HMCN1: variants seen among roughly 807,000 people sequenced by gnomAD.
The protein encoded by HMCN1 is hemicentin 1.
Under a neutral mutation model 625.9 loss-of-function variants are expected in HMCN1, and 321 were observed. That is an observed-to-expected ratio of 0.51 (90% confidence interval 0.47 to 0.56). HMCN1 has a LOEUF of 0.56. Ranked by LOEUF, HMCN1 falls within the 20% of genes least tolerant of loss-of-function variation. The pLI is 0.00. For synonymous variants in HMCN1, 2,425 were observed against 2,417.6 expected (o/e 1.00, Z -0.09); for missense variants, 6,588 against 6,887.3 (o/e 0.96, Z 1.54).
chr1:185,906,349 A>G (rs1666094511), intron 4 of HMCN1, among the ~76,000 whole-genome samples: 1 of 151,860 alleles, frequency 6.6e-6, no homozygotes, highest in South Asian at 2.1e-4. Flanking sequence ...CCAACAAGTA[A>G]TATTATGATA....
At chr1:185,950,912 C>T (rs1282116075) in intron 11 of HMCN1, among the ~76,000 whole-genome samples, 4 of 145,712 alleles carry the variant, frequency 2.7e-5, no homozygotes, top group African/African-American at 1.0e-4. Context: ...ACTTGTAAGG[C>T]TTGTCTGGTT....
At chr1:185,775,439 G>A (rs918865808) in intron 1 of HMCN1, among the ~76,000 whole-genome samples, 1 of 152,104 alleles carries the variant, frequency 6.6e-6, no homozygotes, top group Admixed American at 6.6e-5. Flanking sequence ...TGGAATGAGT[G>A]AGTCTCTTCA....
At chr1:186,084,208 C>G (rs900228722) in intron 57 of HMCN1, among the ~76,000 whole-genome samples, 3 of 152,122 alleles carry the variant, frequency 2.0e-5, no homozygotes, top group Admixed American at 1.3e-4. Flanking sequence ...ATGGCCATAT[C>G]TTACTTATCT....
chr1:186,186,994 TCACACACACACACACACACA>T (rs371455899), intron 105 of HMCN1, among the ~76,000 whole-genome samples: 14 of 134,592 alleles, frequency 1.0e-4, no homozygotes, highest in South Asian at 7.4e-4. Context: ...TGTCTCTGTC[TCACACACACACACACACACA>T]CACACACACA....
Position 185,877,317 on chromosome 1 carries a change from CTTTCTTTTTTTTTTTTTTT to C in HMCN1, c.621+11458_621+11476del, listed in dbSNP as rs1404170814. On this transcript the variant is annotated intron_variant, in intron 4 of 106. Coordinates refer to ENST00000271588, the MANE Select transcript of HMCN1 (RefSeq NM_031935.3). The stretch of plus-strand genomic sequence containing the variant: ...CATTCTATTTCATTGATCTATGTGT[CTTTCTTTTTTTTTTTTTTT>C]TTTTTTTTTTTTTTTACCAGTACCA... 4.8e-3 allele frequency among the ~76,000 whole-genome samples: 205 copies of C among 42,768 alleles called. 1 individual carries two copies. The highest frequency in any genetic ancestry group is 0.015 in the African/African-American group (196 of 13,096). The allele number at this position is 42,768 out of a possible 152,430, so 28.1% of individuals were successfully genotyped here. A position where few individuals can be genotyped will look rare whatever the true frequency, so the allele number is the denominator to read the frequency against.
intron 13 of HMCN1, 124 bp from the exon 14 acceptor site, chr1:185,965,678 G>A (rs1650354268): frequency 1.1e-5 from 8 of 714,716 alleles, no homozygotes; most frequent in Middle Eastern, 2.4e-4. Context: ...AGTTTCTTTC[G>A]GTTTATAAAT....
chr1:185,964,039 A>T, intron 13 of HMCN1, 144 bp downstream of exon 13: 1 of 723,992 alleles, frequency 1.4e-6, no homozygotes, highest in Non-Finnish European at 2.3e-6. Context: ...GATTGAAGCA[A>T]ATATTGTAAC....
chr1:186,053,469 G>A (rs112538418), intron 43 of HMCN1, among the ~76,000 whole-genome samples: 38 of 151,892 alleles, frequency 2.5e-4, no homozygotes, highest in Non-Finnish European at 3.8e-4. Context: ...ATAGATCTAC[G>A]TAATAAACCT....
At position 186,152,778 on chromosome 1, in the gene HMCN1, C is replaced by G; in HGVS notation, c.14925C>G (p.Ala4975=). Reference sequence around the variant, plus strand: ...AAATCTTGCAGATGAGTCATATTGCCCGGGGCTTGGATTCCGATGGTTCTT... The same window carrying G: ...AAATCTTGCAGATGAGTCATATTGCGCGGGGCTTGGATTCCGATGGTTCTT... The part of the protein sequence containing the change: ...TGEILQMSHI[A]RGLDSDGSLL... Residue 4975 remains alanine (A), a synonymous_variant, in exon 96 of 107, where the codon GCC becomes GCG. Coordinates refer to ENST00000271588, the MANE Select transcript of HMCN1 (RefSeq NM_031935.3). The G allele has an allele frequency of 6.2e-7, 1 of 1,613,906 alleles. No individual in the cohort carries two copies. Among genetic ancestry groups the G allele is most frequent in the Non-Finnish European group, 8.5e-7 (1 of 1,179,858 alleles).
At position 185,923,383 on chromosome 1, in the gene HMCN1, C is replaced by T. The variant is rs1400320467; in HGVS notation, c.1022-7C>T. ...TTGTAAATGATAACAAAATCTTTCT[C>T]TTGTAGGAATACCTACCTATGTACT... On this transcript the variant is annotated splice_polypyrimidine_tract_variant and splice_region_variant and intron_variant, in intron 7 of 106. Coordinates refer to ENST00000271588, the MANE Select transcript of HMCN1 (RefSeq NM_031935.3). 2 of 1,601,234 alleles carry T rather than the reference C, an allele frequency of 1.2e-6. No homozygotes were observed. The highest frequency in any genetic ancestry group is 8.5e-7 in the Non-Finnish European group (1 of 1,170,242).
intron 70 of HMCN1, among the ~76,000 whole-genome samples, chr1:186,108,225 A>G (rs1455100248): frequency 1.3e-5 from 2 of 152,006 alleles, no homozygotes; most frequent in African/African-American, 2.4e-5. Context: ...TAATGCAATT[A>G]TATTACTTCC....
intron 36 of HMCN1, among the ~76,000 whole-genome samples, chr1:186,031,489 G>A (rs960027276): frequency 6.7e-6 from 1 of 149,566 alleles, no homozygotes; most frequent in Non-Finnish European, 1.5e-5. Context: ...GTCTTGGTGG[G>A]GATTTCTTTG....
Position 186,088,220 on chromosome 1 carries a change from A to G in HMCN1, c.9521A>G (p.Asp3174Gly). Residue 3174 changes from aspartate (D) to glycine (G), a missense_variant, in exon 62 of 107, where the codon GAT becomes GGT. Coordinates refer to ENST00000271588, the MANE Select transcript of HMCN1 (RefSeq NM_031935.3). ...AGCAATCCTGTGACATTAACATGTG[A>G]TGCCACTGGGATCCCACCTCCCACG... The part of the protein sequence containing the change: ...TISNPVTLTC[D>G]ATGIPPPTIA... 6 of 1,612,970 alleles carry G rather than the reference A, an allele frequency of 3.7e-6. No individual in the cohort carries two copies. The highest frequency in any genetic ancestry group is 5.1e-6 in the Non-Finnish European group (6 of 1,179,354).
chr1:185,912,185 A>C (rs1666462057), intron 6 of HMCN1, among the ~76,000 whole-genome samples: 1 of 152,186 alleles, frequency 6.6e-6, no homozygotes, highest in Non-Finnish European at 1.5e-5. Context: ...CCTGGGGAGC[A>C]GAACTTCTCT....
At chr1:186,042,245 AC>A (rs1445627573) in intron 40 of HMCN1, among the ~76,000 whole-genome samples, 1 of 152,108 alleles carries the variant, frequency 6.6e-6, no homozygotes, top group Non-Finnish European at 1.5e-5. Flanking sequence ...ATAATGCCCA[AC>A]CCCAGGAATT....
intron 41 of HMCN1, among the ~76,000 whole-genome samples, chr1:186,048,364 T>C (rs1284657953): frequency 6.6e-6 from 1 of 152,140 alleles, no homozygotes; most frequent in African/African-American, 2.4e-5. Context: ...TGTAATATTA[T>C]TGGTCTCAAG....
At chr1:186,123,688 AT>A (rs896933878) in intron 81 of HMCN1, among the ~76,000 whole-genome samples, 1 of 152,190 alleles carries the variant, frequency 6.6e-6, no homozygotes, top group African/African-American at 2.4e-5. Flanking sequence ...TAACAGAAAA[AT>A]ATCTTTGTAT....
Position 186,144,608 on chromosome 1 carries a change from C to A in HMCN1, c.14171C>A (p.Thr4724Lys). The A allele has an allele frequency of 2.5e-6, 4 of 1,614,048 alleles. No homozygotes were observed. Among genetic ancestry groups the A allele is most frequent in the Non-Finnish European group, 3.4e-6 (4 of 1,179,994 alleles). Residue 4724 changes from threonine to lysine, a missense_variant, in exon 91 of 107, where the codon ACA (threonine) becomes AAA (lysine). By Grantham distance (78) the Thr-to-Lys change is moderately conservative. Transcript: ENST00000271588. ...TGTGGAGGAGGTGCCAGACAGAGAA[C>A]AAGGGGCTGCTCCGACCCTGTGCCC... ...VSCGGGARQR[T>K]RGCSDPVPQY...
chr1:185,803,342 C>T (rs1320228994), intron 1 of HMCN1, among the ~76,000 whole-genome samples: 1 of 151,786 alleles, frequency 6.6e-6, no homozygotes, highest in Non-Finnish European at 1.5e-5. Flanking sequence ...GCTTTGACAT[C>T]TTTATGACTA....
Sources: gnomAD v4.1 joint callset for allele counts (sites outside exome capture counted in the v4.1 genomes callset) on GRCh38, gnomAD v4.1.1 for gene constraint, MANE v1.5 for transcripts, NCBI Gene and HGNC (gene_info 2026-07-23, HGNC 2026-07-21) for gene names.